Variants in LYNX1 observed in about 807,000 individuals in gnomAD.
LYNX1 encodes the protein ly-6/neurotoxin-like protein 1.
In LYNX1, 8 loss-of-function variants were observed where a neutral mutation model predicts 8.3. The ratio of observed to expected loss-of-function variants is 0.97; its 90% CI spans 0.57 to 1.74. The LOEUF (loss-of-function observed/expected upper bound fraction) is 1.74, where lower values mean the gene tolerates loss of function less well. Ranked by LOEUF, LYNX1 falls within the 40% of genes most tolerant of loss-of-function variation. The pLI, the probability that LYNX1 is intolerant of heterozygous loss-of-function variation, is 0.00. For synonymous variants in LYNX1, 73 were observed against 67.9 expected (o/e 1.08, Z -0.37); for missense variants, 158 against 159.7 (o/e 0.99, Z 0.06).
At chr8:142,777,554 G>A (rs1216595664), upstream of LYNX1, among the ~76,000 whole-genome samples, 1 of 91,264 alleles carries the variant, frequency 1.1e-5, no homozygotes, top group East Asian at 2.9e-4. Context: ...CTGGGCACCC[G>A]CCGAGCCGAG....
At chr8:142,777,672 C>G (rs1011995914), upstream of LYNX1, 3 of 396,560 alleles carry the variant, frequency 7.6e-6, no homozygotes, top group African/African-American at 6.2e-5. Flanking sequence ...GCCGGGCAAG[C>G]GCTGGGACCC....
chr8:142,774,628 G>C lies in LYNX1; in HGVS notation c.*539C>G, dbSNP rs1442855476. The C allele has an allele frequency of 1.0e-6, 1 of 986,888 alleles. No homozygotes were observed. The highest frequency in any genetic ancestry group is 1.2e-6 in the Non-Finnish European group (1 of 831,042). The allele number at this position is 986,888 out of a possible 1,614,324, so 61.1% of individuals were successfully genotyped here. ...GGGCCTGGCAGACTTCCTAGCACAG[G>C]GGCCGGTGCCAAAGGCCCTCCTCCC... On this transcript the variant is annotated 3_prime_UTR_variant, in exon 4 of 4. Coordinates refer to ENST00000652477, the MANE Select transcript of LYNX1 (RefSeq NM_177477.4).
In LYNX1 at chr8:142,771,830, G is replaced by A. The variant is rs1815194237; in HGVS notation, c.*3337C>T. The stretch of plus-strand genomic sequence containing the variant: ...CCCACTTCCCCAGGACCTCCGCCTG[G>A]AGGAAGCCTGCCCAGGGCCGCAGCC... On this transcript the variant is annotated 3_prime_UTR_variant, in exon 4 of 4. Transcript: ENST00000652477. The A allele has an allele frequency of 1.0e-6, 1 of 985,794 alleles. No individual in the cohort carries two copies. The highest frequency in any genetic ancestry group is 6.1e-5 in the Admixed American group (1 of 16,274). 61.1% of individuals were successfully genotyped at this position (985,794 alleles called of 1,614,324 possible). A position where few individuals can be genotyped will look rare whatever the true frequency, so the allele number is the denominator to read the frequency against.
At position 142,773,497 on chromosome 8, in the gene LYNX1, A is replaced by C; in HGVS notation, c.*1670T>G. On this transcript the variant is annotated 3_prime_UTR_variant, in exon 4 of 4. Coordinates refer to ENST00000652477, the MANE Select transcript of LYNX1 (RefSeq NM_177477.4). ...CCGTTCCCACCCAAGGTCCCTTTGCAGAAGACTGGCACTGTCCTCCTCCAG... is the reference window on the plus strand; with the variant it reads ...CCGTTCCCACCCAAGGTCCCTTTGCCGAAGACTGGCACTGTCCTCCTCCAG... The C allele has an allele frequency of 1.0e-6, 1 of 985,458 alleles. No homozygotes were observed. Among genetic ancestry groups the C allele is most frequent in the Non-Finnish European group, 1.2e-6 (1 of 830,018 alleles). 61.0% of individuals were successfully genotyped at this position (985,458 alleles called of 1,614,324 possible). A position where few individuals can be genotyped will look rare whatever the true frequency, so the allele number is the denominator to read the frequency against.
upstream of LYNX1, chr8:142,777,732 T>A: frequency 5.0e-6 from 2 of 397,656 alleles, no homozygotes; most frequent in Non-Finnish European, 8.9e-6. Context: ...AGCCACGCAG[T>A]GATTCCCTGG....
In LYNX1 at chr8:142,771,494, C is replaced by T. The variant is rs184012892; in HGVS notation, c.*3673G>A. 4.1e-6 allele frequency: 4 copies of T among 985,474 alleles called. No individual in the cohort carries two copies. Among genetic ancestry groups the T allele is most frequent in the East Asian group, 1.1e-4 (1 of 8,800 alleles). 61.0% of individuals were successfully genotyped at this position (985,474 alleles called of 1,614,324 possible). A position where few individuals can be genotyped will look rare whatever the true frequency, so the allele number is the denominator to read the frequency against. ...ACAGGGAGGACCCCCGTGTGTCTCT[C>T]GGGCTGCCCAGGTGGCTCTGTCCAC... On this transcript the variant is annotated 3_prime_UTR_variant, in exon 4 of 4. Transcript: ENST00000652477.
chr8:142,776,044 C>T lies in LYNX1; in HGVS notation c.-87G>A, dbSNP rs1003352918. ...ACTCAGGGGTGGCGCACAGAGGATC[C>T]AACTCAGGGTGGTGCGCAGAGGACG... On this transcript the variant is annotated 5_prime_UTR_variant, in exon 2 of 4. Coordinates refer to ENST00000652477, the MANE Select transcript of LYNX1 (RefSeq NM_177477.4). 1.9e-5 allele frequency: 29 copies of T among 1,505,268 alleles called. No individual in the cohort carries two copies. The South Asian group carries it at 3.2e-4, about 17-fold the overall frequency. The allele number at this position is 1,505,268 out of a possible 1,614,324, so 93.2% of individuals were successfully genotyped here.
At position 142,776,078 on chromosome 8, in the gene LYNX1, G is replaced by C. The variant is rs1815413352; in HGVS notation, c.-121C>G. On this transcript the variant is annotated 5_prime_UTR_variant, in exon 2 of 4. Transcript: ENST00000652477. ...GTGGTGCGCAGAGGACGTGGGGCCG[G>C]CCCTGCCTCCCGGAGCTCCTGGTCT... is the stretch of plus-strand genomic sequence containing the variant. 2 of 1,174,010 alleles carry C rather than the reference G, an allele frequency of 1.7e-6. No individual in the cohort carries two copies. The allele number at this position is 1,174,010 out of a possible 1,614,324, so 72.7% of individuals were successfully genotyped here.
Position 142,772,891 on chromosome 8 carries a change from A to G in LYNX1, c.*2276T>C, listed in dbSNP as rs780704999. The G allele has an allele frequency of 3.0e-6, 3 of 985,964 alleles. No homozygotes were observed. The highest frequency in any genetic ancestry group is 3.6e-6 in the Non-Finnish European group (3 of 830,330). The allele number at this position is 985,964 out of a possible 1,614,324, so 61.1% of individuals were successfully genotyped here. ...ACAGGTCAGGGTGGTGGAAAGGTGG[A>G]CAGAAGGAGGCAGGAGGCAGGTGTG... On this transcript the variant is annotated 3_prime_UTR_variant, in exon 4 of 4. Coordinates refer to ENST00000652477, the MANE Select transcript of LYNX1 (RefSeq NM_177477.4).
In LYNX1 at chr8:142,775,191, C is replaced by T; in HGVS notation, c.327G>A (p.Leu109=). ...PATLALAPIL[L]ATLWGLL ...TTTAGAGGAGACCCCAGAGGGTGGC[C>T]AGGAGGATGGGGGCCAGGGCCAGGG... is the stretch of plus-strand genomic sequence containing the variant. Residue 109 remains leucine, a synonymous_variant, in exon 4 of 4, where the codon CTG becomes CTA. Transcript: ENST00000652477. 1 of 1,612,308 alleles carries T rather than the reference C, an allele frequency of 6.2e-7. No homozygotes were observed. The highest frequency in any genetic ancestry group is 8.5e-7 in the Non-Finnish European group (1 of 1,179,430).
chr8:142,774,860 C>T lies in LYNX1; in HGVS notation c.*307G>A. The T allele has an allele frequency of 7.8e-7, 1 of 1,277,956 alleles. No homozygotes were observed. The highest frequency in any genetic ancestry group is 3.3e-5 in the East Asian group (1 of 30,376). The allele number at this position is 1,277,956 out of a possible 1,614,324, so 79.2% of individuals were successfully genotyped here. Reference sequence around the variant, plus strand: ...AGAAGGTGGGCTTGGCCACAGCTCCCATCTGCTCAGTGCTCCCTGCCTGAC... The same window carrying T: ...AGAAGGTGGGCTTGGCCACAGCTCCTATCTGCTCAGTGCTCCCTGCCTGAC... On this transcript the variant is annotated 3_prime_UTR_variant, in exon 4 of 4. Transcript: ENST00000652477.
At position 142,774,366 on chromosome 8, in the gene LYNX1, C is replaced by T; in HGVS notation, c.*801G>A. 1 of 986,000 alleles carries T rather than the reference C, an allele frequency of 1.0e-6. No individual in the cohort carries two copies. Among genetic ancestry groups the T allele is most frequent in the Non-Finnish European group, 1.2e-6 (1 of 830,258 alleles). The allele number at this position is 986,000 out of a possible 1,614,324, so 61.1% of individuals were successfully genotyped here. A position where few individuals can be genotyped will look rare whatever the true frequency, so the allele number is the denominator to read the frequency against. On this transcript the variant is annotated 3_prime_UTR_variant, in exon 4 of 4. Transcript: ENST00000652477. ...CCACCTGCTCTGCCCCTTTCCCTCC[C>T]TGCCCAGAATAGCGCTGGCCGGGTC... is the stretch of plus-strand genomic sequence containing the variant.
chr8:142,777,367 C>CCACGCCCCGGA (rs1815468698), upstream of LYNX1: 1 of 93,116 alleles, frequency 1.1e-5, no homozygotes, highest in Non-Finnish European at 2.2e-5. Context: ...TCACCGCAGG[C>CCACGCCCCGGA]CCCGCCCCGG....
Position 142,773,531 on chromosome 8 carries a change from G to A in LYNX1, c.*1636C>T. 1.0e-6 allele frequency: 1 copy of A among 985,512 alleles called. No homozygotes were observed. Among genetic ancestry groups the A allele is most frequent in the Non-Finnish European group, 1.2e-6 (1 of 830,018 alleles). 61.0% of individuals were successfully genotyped at this position (985,512 alleles called of 1,614,324 possible). On this transcript the variant is annotated 3_prime_UTR_variant, in exon 4 of 4. Transcript: ENST00000652477. ...GCACTGTCCTCCTCCAGCGGGAACT[G>A]GGTGTGCCCTCAGCAAGACTCTGCC...
In LYNX1 at chr8:142,772,354, C is replaced by T. The variant is rs776417598; in HGVS notation, c.*2813G>A. 1.1e-4 allele frequency: 104 copies of T among 985,452 alleles called. No individual in the cohort carries two copies. Among genetic ancestry groups the T allele is most frequent in the South Asian group, 1.4e-4 (3 of 21,298 alleles). The allele number at this position is 985,452 out of a possible 1,614,324, so 61.0% of individuals were successfully genotyped here. A position where few individuals can be genotyped will look rare whatever the true frequency, so the allele number is the denominator to read the frequency against. On this transcript the variant is annotated 3_prime_UTR_variant, in exon 4 of 4. Coordinates refer to ENST00000652477, the MANE Select transcript of LYNX1 (RefSeq NM_177477.4). ...CACTCTGCCCTGCACCCAGAGGCAGCGCTGGAGGCCTTACTCTACCACTCA... is the reference window on the plus strand; with the variant it reads ...CACTCTGCCCTGCACCCAGAGGCAGTGCTGGAGGCCTTACTCTACCACTCA...
At chr8:142,775,767 GC>G (rs1563840545) in intron 2 of LYNX1, 73 bp from the exon 3 acceptor site, 1 of 1,533,104 alleles carries the variant, frequency 6.5e-7, no homozygotes, top group Admixed American at 1.9e-5. Flanking sequence ...AGCCCATCAG[GC>G]CCCCAGCCCG....
rs1378875789 is a variant in LYNX1, at chr8:142,775,030, C to A, written c.*137G>T. Reference sequence around the variant, plus strand: ...GTGGTTGGGGGAGGTCGGGTGTCTTCTTGCCCACAGTCCTGACCCTGGGCA... The same window carrying A: ...GTGGTTGGGGGAGGTCGGGTGTCTTATTGCCCACAGTCCTGACCCTGGGCA... On this transcript the variant is annotated 3_prime_UTR_variant, in exon 4 of 4. Coordinates refer to ENST00000652477, the MANE Select transcript of LYNX1 (RefSeq NM_177477.4). The A allele has an allele frequency of 3.5e-6, 5 of 1,445,376 alleles. No homozygotes were observed. The highest frequency in any genetic ancestry group is 4.5e-6 in the Non-Finnish European group (5 of 1,102,940). 89.5% of individuals were successfully genotyped at this position (1,445,376 alleles called of 1,614,324 possible).
chr8:142,771,710 T>TTTTCAGAG lies in LYNX1; in HGVS notation c.*3449_*3456dup, dbSNP rs587679481. The TTTTCAGAG allele has an allele frequency of 8.6e-5, 85 of 985,798 alleles. No individual in the cohort carries two copies. The highest frequency in any genetic ancestry group is 1.9e-4 in the African/African-American group (11 of 57,334). The allele number at this position is 985,798 out of a possible 1,614,324, so 61.1% of individuals were successfully genotyped here. ...AGGGCCTCTCTGCTTCTTTTGACCT[T>TTTTCAGAG]TTTCAGAGTTTCAGAGTTATGAACC... On this transcript the variant is annotated 3_prime_UTR_variant, in exon 4 of 4. Transcript: ENST00000652477.
At chr8:142,777,866 C>T (rs931286822), upstream of LYNX1, 1 of 398,644 alleles carries the variant, frequency 2.5e-6, no homozygotes, top group Non-Finnish European at 4.4e-6. Flanking sequence ...GTTTGTCGGC[C>T]GGCACCAGCC....
Sources: gnomAD v4.1 joint callset for allele counts (sites outside exome capture counted in the v4.1 genomes callset) on GRCh38, gnomAD v4.1.1 for gene constraint, MANE v1.5 for transcripts, NCBI Gene and HGNC (gene_info 2026-07-23, HGNC 2026-07-21) for gene names.